The following UBAP2 variants were observed in gnomAD, a reference collection of about 807,000 sequenced individuals.
The protein encoded by UBAP2 is ubiquitin associated protein 2.
UBAP2 carries 75 observed loss-of-function variants against 139.6 expected under a neutral mutation model. The ratio of observed to expected loss-of-function variants is 0.54; its 90% CI spans 0.45 to 0.65. The LOEUF (loss-of-function observed/expected upper bound fraction) is 0.65, where lower values mean the gene tolerates loss of function less well. UBAP2 is among the 30% of genes least tolerant of loss of function. The pLI, the probability that UBAP2 is intolerant of heterozygous loss-of-function variation, is 0.00. For synonymous variants in UBAP2, 526 were observed against 526.2 expected (o/e 1.00, Z 0.01); for missense variants, 1,368 against 1,369.6 (o/e 1.00, Z 0.02).
intron 6 of UBAP2, among the ~76,000 whole-genome samples, chr9:33,981,103 GATATATATATATATATATAT>G: frequency 1.7e-3 from 1 of 602 alleles, no homozygotes; most frequent in Admixed American, 0.025. Flanking sequence ...ATATATTCTG[GATATATATATATATATATAT>G]ATATATATAT....
At chr9:34,032,437 A>C (rs1231746713) in intron 1 of UBAP2, among the ~76,000 whole-genome samples, 4 of 152,116 alleles carry the variant, frequency 2.6e-5, no homozygotes, top group African/African-American at 9.7e-5. Context: ...CCCACTAGTT[A>C]CTCTGTCCCA....
Position 33,989,005 on chromosome 9 carries a change from C to A in UBAP2, c.410G>T (p.Arg137Leu), listed in dbSNP as rs1465754839. 1 of 1,613,554 alleles carries A rather than the reference C, an allele frequency of 6.2e-7. No individual in the cohort carries two copies. Among genetic ancestry groups the A allele is most frequent in the Admixed American group, 1.7e-5 (1 of 59,862 alleles). Residue 137 changes from arginine (R) to leucine (L), a missense_variant, in exon 5 of 29, where the codon CGG becomes CTG. Coordinates refer to ENST00000379238, the MANE Select transcript of UBAP2 (RefSeq NM_001370062.2). ...GCCACGATTGCCGCCTCTTCCTTTC[C>A]GGTTGTTGTTTCCACGTCCACGACT... Reference protein sequence around the residue: ...ESSRGRGNNNRKGRGGNRGRE... With the variant: ...ESSRGRGNNNLKGRGGNRGRE...
At chr9:34,026,782 A>C (rs1307399884) in intron 1 of UBAP2, among the ~76,000 whole-genome samples, 2 of 152,214 alleles carry the variant, frequency 1.3e-5, no homozygotes, top group Non-Finnish European at 2.9e-5. Context: ...AATCACAGCT[A>C]GTAAGTGGTG....
At chr9:33,928,228 A>T (rs1019169780) in intron 19 of UBAP2, 4 of 453,752 alleles carry the variant, frequency 8.8e-6, no homozygotes, top group Non-Finnish European at 1.5e-5. Context: ...AAAACTATTA[A>T]CATTAAGCTT....
chr9:33,928,066 G>GCT (rs1823629962), intron 19 of UBAP2, 74 bp from the exon 20 acceptor site: 6 of 1,474,250 alleles, frequency 4.1e-6, no homozygotes, highest in Non-Finnish European at 5.5e-6. Flanking sequence ...CTGGCCTGGC[G>GCT]CTTGGGCCCA....
Position 33,923,927 on chromosome 9 carries a change from C to T in UBAP2, c.2664G>A (p.Gln888=). 6.2e-7 allele frequency: 1 copy of T among 1,614,210 alleles called. No homozygotes were observed. The highest frequency in any genetic ancestry group is 1.7e-4 in the Middle Eastern group (1 of 6,052). ...APATTPAQPQ[Q]SQSQTHHTAQ... ...CTGTGTGGTGGGTCTGTGATTGGCT[C>T]TGCTGTGGCTGAGCTGGTGTGGTAG... Residue 888 remains glutamine (Q), a synonymous_variant, in exon 24 of 29, where the codon CAG becomes CAA. Transcript: ENST00000379238.
chr9:33,960,816 A>T lies in UBAP2; in HGVS notation c.798+10T>A. ...AAAAAGAAAGGTCTCATCTGACAGCAAACACTTACATCTTCAGTCCAGTCT... is the reference window on the plus strand; with the variant it reads ...AAAAAGAAAGGTCTCATCTGACAGCTAACACTTACATCTTCAGTCCAGTCT... On this transcript the variant is annotated intron_variant, in intron 10 of 28. Transcript: ENST00000379238. 1 of 1,612,546 alleles carries T rather than the reference A, an allele frequency of 6.2e-7. No homozygotes were observed.
In UBAP2 at chr9:33,984,629, G is replaced by C. The variant is rs140818153; in HGVS notation, c.520+2131C>G. Among the ~76,000 whole-genome samples the C allele has an allele frequency of 3.5e-3, 530 of 151,876 alleles. 9 individuals are homozygous for C. Among genetic ancestry groups the C allele is most frequent in the East Asian group, 0.01 (54 of 5,180 alleles). On this transcript the variant is annotated intron_variant, in intron 6 of 28. Transcript: ENST00000379238. The stretch of plus-strand genomic sequence containing the variant: ...GGATTTCAAGGTTGCAGTAAGTTAT[G>C]ATCATGCCACTGCACTCCAGCCTGG...
chr9:34,009,405 GT>G (rs1245928188), intron 2 of UBAP2, among the ~76,000 whole-genome samples: 3 of 151,704 alleles, frequency 2.0e-5, no homozygotes, highest in Non-Finnish European at 4.4e-5. Flanking sequence ...GGCCAAAAAG[GT>G]TTTTTTCTTA....
At chr9:34,016,309 G>A (rs544395566) in intron 2 of UBAP2, among the ~76,000 whole-genome samples, 1,380 of 122,382 alleles carry the variant, frequency 0.011, 39 homozygotes, top group Non-Finnish European at 0.02. Context: ...GGAGGAAGAG[G>A]AGGAAGAGAA....
At chr9:34,014,948 A>G (rs1336830972) in intron 2 of UBAP2, among the ~76,000 whole-genome samples, 2 of 152,166 alleles carry the variant, frequency 1.3e-5, no homozygotes, top group African/African-American at 2.4e-5. Context: ...AGTAGCAGAG[A>G]TATCTGTCTG....
Position 33,922,870 on chromosome 9 carries a change from G to C in UBAP2, c.3081C>G (p.Asp1027Glu), listed in dbSNP as rs901991064. 1.3e-6 allele frequency: 2 copies of C among 1,595,978 alleles called. No individual in the cohort carries two copies. Among genetic ancestry groups the C allele is most frequent in the Middle Eastern group, 1.7e-4 (1 of 5,968 alleles). The change falls in exon 28 of 29, where the codon GAC becomes GAG. Residue 1027 changes from aspartate (D) to glutamate (E), a missense_variant. By Grantham distance (45) the Asp-to-Glu change is conservative. Transcript: ENST00000379238. ...GCGTCCCTGCATGAAATCCCTGCTT[G>C]TCAAAAGTCTACAGGGCAAAGAAGA... Reference protein sequence around the residue: ...GSVYNKTQTFDKQGFHAGTPP... With the variant: ...GSVYNKTQTFEKQGFHAGTPP...
intron 4 of UBAP2, among the ~76,000 whole-genome samples, chr9:33,993,896 C>CTTTTTT (rs34361153): frequency 7.3e-6 from 1 of 137,272 alleles, no homozygotes; most frequent in Non-Finnish European, 1.5e-5. Flanking sequence ...GCTTTGCTTT[C>CTTTTTT]TTTTTTTTTT....
chr9:34,001,353 A>G (rs945343659), intron 2 of UBAP2, among the ~76,000 whole-genome samples: 1 of 152,226 alleles, frequency 6.6e-6, no homozygotes, highest in African/African-American at 2.4e-5. Flanking sequence ...GTTTTATTAG[A>G]AAAAGAAATG....
intron 12 of UBAP2, among the ~76,000 whole-genome samples, chr9:33,950,917 A>C (rs990964568): frequency 1.3e-5 from 2 of 152,272 alleles, no homozygotes; most frequent in African/African-American, 4.8e-5. Flanking sequence ...ATGCACATAC[A>C]CACAAACACA....
intron 2 of UBAP2, among the ~76,000 whole-genome samples, chr9:34,016,588 C>T (rs1184818458): frequency 6.6e-6 from 1 of 151,002 alleles, no homozygotes; most frequent in African/African-American, 2.4e-5. Flanking sequence ...AGGAGTCTCG[C>T]TTTGTCACCC....
upstream of UBAP2, among the ~76,000 whole-genome samples, chr9:34,049,101 C>A (rs1043876316): frequency 1.3e-5 from 2 of 152,196 alleles, no homozygotes; most frequent in African/African-American, 2.4e-5. Flanking sequence ...ATAAGGGAGA[C>A]TTGATAATAT....
intron 1 of UBAP2, among the ~76,000 whole-genome samples, chr9:34,026,451 A>G (rs1825407792): frequency 6.6e-6 from 1 of 152,204 alleles, no homozygotes; most frequent in African/African-American, 2.4e-5. Flanking sequence ...AACAGGATAC[A>G]CAATTTATGT....
intron 2 of UBAP2, 57 bp from the exon 3 acceptor site, chr9:33,998,921 C>A: frequency 3.4e-6 from 5 of 1,468,782 alleles, no homozygotes; most frequent in Non-Finnish European, 3.8e-6. Flanking sequence ...AGTTAGATTC[C>A]AAAATCTGGG....
Sources: allele counts gnomAD v4.1 joint callset (sites outside exome capture counted in the v4.1 genomes callset), GRCh38; gene constraint gnomAD v4.1.1; transcripts MANE v1.5; gene names NCBI Gene and HGNC (gene_info 2026-07-23, HGNC 2026-07-21).